The following DCDC1 variants were observed in gnomAD, a reference collection of about 807,000 sequenced individuals.
The protein encoded by DCDC1 is doublecortin domain containing 1.
In DCDC1, 200 loss-of-function variants were observed where a neutral mutation model predicts 178.3. The ratio of observed to expected loss-of-function variants is 1.12; its 90% confidence interval spans 1.00 to 1.26. The LOEUF is 1.26. Ranked by LOEUF, DCDC1 falls within the 50% of genes most tolerant of loss-of-function variation. DCDC1 has a pLI of 0.00. For missense variants in DCDC1, 1,983 were observed against 1,749.2 expected (o/e 1.13, Z -2.38); for synonymous variants, 690 against 604.8 (o/e 1.14, Z -2.07).
intron 15 of DCDC1, among the ~76,000 whole-genome samples, chr11:31,099,818 A>G (rs1958389757): frequency 6.6e-6 from 1 of 151,152 alleles, no homozygotes; most frequent in Non-Finnish European, 1.5e-5. Context: ...TCCCGGGTTC[A>G]AGCAATTCTC....
chr11:31,159,654 G>A (rs1010231880), intron 9 of DCDC1, among the ~76,000 whole-genome samples: 2 of 152,150 alleles, frequency 1.3e-5, no homozygotes, highest in African/African-American at 4.8e-5. Flanking sequence ...CATGCTTCAA[G>A]AAAGAAAATC....
At chr11:30,939,139 C>A (rs2134373884) in intron 21 of DCDC1, among the ~76,000 whole-genome samples, 1 of 152,272 alleles carries the variant, frequency 6.6e-6, no homozygotes, top group African/African-American at 2.4e-5. Context: ...TCCAATTTTC[C>A]TATCTTGGCT....
chr11:31,232,306 T>G (rs1929023), intron 9 of DCDC1, among the ~76,000 whole-genome samples: 89,778 of 151,904 alleles, frequency 0.59, 26,945 homozygotes, highest in East Asian at 0.93. Context: ...AATTTTAAGG[T>G]TAATCATCTA....
At chr11:31,101,266 G>A (rs1591046671) in intron 15 of DCDC1, among the ~76,000 whole-genome samples, 1 of 152,146 alleles carries the variant, frequency 6.6e-6, no homozygotes, top group East Asian at 1.9e-4. Flanking sequence ...CTGCTAAAAT[G>A]AGCAACAACC....
chr11:31,145,717 G>A (rs1377071449), intron 9 of DCDC1, among the ~76,000 whole-genome samples: 1 of 152,120 alleles, frequency 6.6e-6, no homozygotes, highest in African/African-American at 2.4e-5. Flanking sequence ...CCTGGCAGAC[G>A]TGATTCTCAG....
At chr11:31,161,469 C>T (rs562169216) in intron 9 of DCDC1, among the ~76,000 whole-genome samples, 3 of 152,134 alleles carry the variant, frequency 2.0e-5, no homozygotes, top group Non-Finnish European at 2.9e-5. Context: ...CTCTGTCTAT[C>T]GCAGTCAACA....
chr11:30,899,832 T>TA (rs1303431842), intron 33 of DCDC1, among the ~76,000 whole-genome samples, 190 bp from the exon 34 acceptor site: 5 of 151,584 alleles, frequency 3.3e-5, no homozygotes, highest in South Asian at 4.2e-4. Flanking sequence ...AGTGGAGGGG[T>TA]AAAAAAAAGA....
intron 21 of DCDC1, among the ~76,000 whole-genome samples, chr11:30,941,097 ACTATATCAAGGACC>A (rs1325944137): frequency 1.3e-5 from 2 of 152,066 alleles, no homozygotes; most frequent in South Asian, 2.1e-4. Flanking sequence ...GCATTATTAG[ACTATATCAAGGACC>A]CTATATCAAG....
In DCDC1 at chr11:31,110,315, C is replaced by T; in HGVS notation, c.1532G>A (p.Ser511Asn). ...GCTATCCGATCCCAAATCTTTTTTACTGATACCAACAGAGATCTCTCCAGT... is the reference window on the plus strand; with the variant it reads ...GCTATCCGATCCCAAATCTTTTTTATTGATACCAACAGAGATCTCTCCAGT... ...KNTGEISVGI[S>N]KKDLGSDSPI... Residue 511 changes from serine to asparagine, a missense_variant, in exon 12 of 39, where the codon AGT (serine) becomes AAT (asparagine). By Grantham distance (46) the Ser-to-Asn change is conservative. Transcript: ENST00000684477. 1.4e-6 allele frequency: 1 copy of T among 710,792 alleles called. No individual in the cohort carries two copies. The highest frequency in any genetic ancestry group is 2.6e-6 in the Non-Finnish European group (1 of 387,594). The allele number at this position is 710,792 out of a possible 1,614,324, so 44.0% of individuals were successfully genotyped here. A position where few individuals can be genotyped will look rare whatever the true frequency, so the allele number is the denominator to read the frequency against.
intron 1 of DCDC1, among the ~76,000 whole-genome samples, chr11:31,349,239 C>G (rs1317265555): frequency 6.6e-6 from 1 of 152,146 alleles, no homozygotes; most frequent in Non-Finnish European, 1.5e-5. Context: ...CTTGCATATT[C>G]TTATCACTTT....
At chr11:31,057,603 A>C (rs928558831) in intron 20 of DCDC1, among the ~76,000 whole-genome samples, 1 of 152,158 alleles carries the variant, frequency 6.6e-6, no homozygotes. Flanking sequence ...GCTGAGAAAA[A>C]AATCAATGAA....
In DCDC1 at chr11:31,074,766, C is replaced by G. The variant is rs114094754; in HGVS notation, c.2298+3099G>C. Among the ~76,000 whole-genome samples, 1,365 of 152,096 alleles carry G rather than the reference C, an allele frequency of 9.0e-3. 25 individuals carry two copies. Among genetic ancestry groups the G allele is most frequent in the African/African-American group, 0.032 (1,315 of 41,466 alleles). On this transcript the variant is annotated intron_variant, in intron 18 of 38. Transcript: ENST00000684477. ...AAAAATGTGGAAGTAGCTTTGGAAC[C>G]GGGTAATGAACAGAGGCTGTGAGAG...
intron 18 of DCDC1, among the ~76,000 whole-genome samples, chr11:31,069,649 C>G (rs1370570449): frequency 2.6e-5 from 4 of 152,146 alleles, no homozygotes; most frequent in African/African-American, 9.7e-5. Context: ...CATTCCAAGA[C>G]CATAAGTAAC....
At chr11:31,015,203 C>T (rs986547061) in intron 20 of DCDC1, among the ~76,000 whole-genome samples, 3 of 152,124 alleles carry the variant, frequency 2.0e-5, no homozygotes, top group Admixed American at 2.0e-4. Context: ...CAGCCTCGGC[C>T]TCCCAAAGTG....
chr11:30,901,488 C>T (rs1206188903), intron 32 of DCDC1, among the ~76,000 whole-genome samples: 2 of 152,116 alleles, frequency 1.3e-5, no homozygotes. Flanking sequence ...GCATAGTAAG[C>T]ACTATGTTGA....
intron 11 of DCDC1, among the ~76,000 whole-genome samples, chr11:31,115,380 C>A (rs959246318): frequency 6.6e-6 from 1 of 152,134 alleles, no homozygotes; most frequent in Non-Finnish European, 1.5e-5. Context: ...CTCTCCATAA[C>A]CACTGGGCAG....
chr11:31,235,352 C>T (rs1976321857), intron 9 of DCDC1, among the ~76,000 whole-genome samples: 1 of 151,146 alleles, frequency 6.6e-6, no homozygotes, highest in African/African-American at 2.4e-5. Context: ...AAGTGCCTAC[C>T]TCTATAAACT....
intron 20 of DCDC1, among the ~76,000 whole-genome samples, chr11:31,052,801 C>A (rs1021912040): frequency 1.3e-5 from 2 of 152,100 alleles, no homozygotes; most frequent in Non-Finnish European, 2.9e-5. Flanking sequence ...AATAGTGACA[C>A]AACCTATTAA....
intron 9 of DCDC1, among the ~76,000 whole-genome samples, chr11:31,219,652 C>A (rs1025932887): frequency 1.3e-4 from 20 of 152,022 alleles, no homozygotes; most frequent in Middle Eastern, 3.2e-3. Context: ...AACAAATATA[C>A]CAACTAAGGA....
Sources: allele counts gnomAD v4.1 joint callset (sites outside exome capture counted in the v4.1 genomes callset), GRCh38; gene constraint gnomAD v4.1.1; transcripts MANE v1.5; gene names NCBI Gene and HGNC (gene_info 2026-07-23, HGNC 2026-07-21).